The following SLC4A4 variants were observed in gnomAD, a reference collection of about 807,000 sequenced individuals.
The protein encoded by SLC4A4 is solute carrier family 4 member 4, also known as electrogenic sodium bicarbonate cotransporter 1.
SLC4A4 carries 27 observed loss-of-function variants against 111.5 expected under a neutral mutation model. The ratio of observed to expected loss-of-function variants is 0.24; its 90% confidence interval spans 0.18 to 0.33. The LOEUF (loss-of-function observed/expected upper bound fraction) is 0.33, where lower values mean the gene tolerates loss of function less well. Among genes scored for constraint, SLC4A4 ranks in the 10% least tolerant of loss-of-function variants. The pLI, the probability that SLC4A4 is intolerant of heterozygous loss-of-function variation, is 1.00. For missense variants in SLC4A4, 909 were observed against 1,315.5 expected, an observed-to-expected ratio of 0.69 and a Z score of 4.78; for synonymous variants, 443 against 463.4, an observed-to-expected ratio of 0.96 and a Z score of 0.57.
intron 1 of SLC4A4, among the ~76,000 whole-genome samples, chr4:71,088,558 A>G (rs1578467046): frequency 6.6e-6 from 1 of 151,798 alleles, no homozygotes; most frequent in Admixed American, 6.6e-5. Flanking sequence ...GTTCCTTTCC[A>G]TGTTTAGTGC....
intron 2 of SLC4A4, among the ~76,000 whole-genome samples, chr4:71,182,204 A>G (rs1489824075): frequency 6.6e-6 from 1 of 152,224 alleles, no homozygotes; most frequent in Admixed American, 6.5e-5. Context: ...CATGCCCCAT[A>G]TTCTGTGGTA....
intron 2 of SLC4A4, among the ~76,000 whole-genome samples, chr4:71,112,184 T>C (rs1743107034): frequency 6.6e-6 from 1 of 152,230 alleles, no homozygotes. Flanking sequence ...AAACATCTCC[T>C]TTCCACTAAT....
intron 2 of SLC4A4, among the ~76,000 whole-genome samples, chr4:71,105,849 G>T (rs1406855061): frequency 3.6e-5 from 5 of 140,746 alleles, no homozygotes; most frequent in African/African-American, 1.1e-4. Context: ...TACCATTCAG[G>T]ACATAGGCAT....
chr4:71,354,244 A>G (rs181541561), intron 5 of SLC4A4, among the ~76,000 whole-genome samples: 4 of 152,210 alleles, frequency 2.6e-5, no homozygotes, highest in Non-Finnish European at 2.9e-5. Context: ...AATTGGGAAA[A>G]TGTAGCTCTA....
At chr4:71,128,218 C>T (rs1346492926) in intron 2 of SLC4A4, among the ~76,000 whole-genome samples, 1 of 152,198 alleles carries the variant, frequency 6.6e-6, no homozygotes, top group Non-Finnish European at 1.5e-5. Context: ...AAGAGCACAT[C>T]ACATCTTACG....
chr4:71,443,413 G>A (rs1465147151), intron 8 of SLC4A4, among the ~76,000 whole-genome samples: 1 of 151,814 alleles, frequency 6.6e-6, no homozygotes, highest in East Asian at 1.9e-4. Flanking sequence ...GCCTCCCAAA[G>A]TGCTGGGATT....
chr4:71,354,362 T>C (rs1158554585), intron 5 of SLC4A4, among the ~76,000 whole-genome samples: 3 of 152,298 alleles, frequency 2.0e-5, no homozygotes, highest in Middle Eastern at 6.8e-3. Flanking sequence ...ATTTTCAAAA[T>C]GGCAATAACT....
At chr4:71,248,025 C>T (rs547064266) in intron 2 of SLC4A4, among the ~76,000 whole-genome samples, 3 of 151,362 alleles carry the variant, frequency 2.0e-5, no homozygotes, top group South Asian at 4.2e-4. Context: ...TGCTTCTGGA[C>T]AGAGTTAGGG....
chr4:71,280,306 G>A (rs1013329215), intron 3 of SLC4A4, among the ~76,000 whole-genome samples: 16 of 152,168 alleles, frequency 1.1e-4, no homozygotes, highest in African/African-American at 2.9e-4. Flanking sequence ...TCTTAACCCC[G>A]TATTAGATAT....
At chr4:71,199,937 C>T (rs1746173860) in intron 1 of SLC4A4, among the ~76,000 whole-genome samples, 1 of 149,168 alleles carries the variant, frequency 6.7e-6, no homozygotes, top group Non-Finnish European at 1.5e-5. Context: ...AGGCGTGAAC[C>T]ACTGTGTCCA....
chr4:71,279,116 T>C (rs1186494150), intron 3 of SLC4A4, among the ~76,000 whole-genome samples: 1 of 152,202 alleles, frequency 6.6e-6, no homozygotes, highest in Non-Finnish European at 1.5e-5. Context: ...TTTAGGAATT[T>C]TCAAGTATAC....
intron 6 of SLC4A4, among the ~76,000 whole-genome samples, chr4:71,369,493 G>GT (rs1262765385): frequency 6.6e-6 from 1 of 152,126 alleles, no homozygotes; most frequent in Non-Finnish European, 1.5e-5. Flanking sequence ...TTACTTCAGA[G>GT]GACTGGGAGG....
chr4:71,375,516 C>T (rs1410263303), intron 6 of SLC4A4, among the ~76,000 whole-genome samples: 1 of 152,190 alleles, frequency 6.6e-6, no homozygotes. Context: ...CCACATTCTC[C>T]TTGAAGGCTT....
intron 6 of SLC4A4, among the ~76,000 whole-genome samples, chr4:71,387,954 G>A (rs1718910146): frequency 1.3e-5 from 2 of 152,154 alleles, no homozygotes; most frequent in Admixed American, 1.3e-4. Context: ...TTGGAATGAT[G>A]TGGCTGCAGG....
chr4:71,198,264 G>A (rs1746093895), intron 1 of SLC4A4, among the ~76,000 whole-genome samples: 1 of 152,118 alleles, frequency 6.6e-6, no homozygotes, highest in Non-Finnish European at 1.5e-5. Flanking sequence ...TATTACATAT[G>A]CATAATATTT....
chr4:71,450,424 G>T lies in SLC4A4; in HGVS notation c.1089G>T (p.Arg363Ser). ...ACATTGCTTATAAAGCAAAAGACAG[G>T]CACGACCTGATTGCTGGTATTGATG... The part of the protein sequence containing the change: ...FHDIAYKAKD[R>S]HDLIAGIDEF... Residue 363 changes from arginine (R) to serine (S), a missense_variant, in exon 10 of 26, where the codon AGG (arginine) becomes AGT (serine). Transcript: ENST00000264485. 1 of 1,612,604 alleles carries T rather than the reference G, an allele frequency of 6.2e-7. No homozygotes were observed. Among genetic ancestry groups the T allele is most frequent in the Non-Finnish European group, 8.5e-7 (1 of 1,178,694 alleles).
chr4:71,090,912 GA>G (rs1001513034), intron 1 of SLC4A4, among the ~76,000 whole-genome samples: 4 of 152,288 alleles, frequency 2.6e-5, no homozygotes, highest in Admixed American at 2.6e-4. Context: ...AATTCACACA[GA>G]AGGTCGTTCA....
rs193054563 is a variant in SLC4A4 at position 71,121,334 on chromosome 4, C to T, written c.-2+28542C>T. Among the ~76,000 whole-genome samples the T allele has an allele frequency of 6.1e-4, 93 of 152,270 alleles. 2 individuals carry two copies. Among genetic ancestry groups the T allele is most frequent in the African/African-American group, 2.0e-3 (84 of 41,544 alleles). On this transcript the variant is annotated intron_variant, in intron 2 of 26. Coordinates refer to the SLC4A4 transcript ENST00000649996. ...CCAAGGGCTGAGGCGTGCAGGTGCA[C>T]GGCGCTGGACTGAGGAGTGCAGGCA...
At chr4:71,533,594 GT>G (rs150994245) in intron 17 of SLC4A4, among the ~76,000 whole-genome samples, 62 of 150,818 alleles carry the variant, frequency 4.1e-4, no homozygotes, top group Middle Eastern at 3.4e-3. Context: ...GTTTTTTCCA[GT>G]TTTTTTTTGT....
Sources: gnomAD v4.1 joint callset for allele counts (sites outside exome capture counted in the v4.1 genomes callset) on GRCh38, gnomAD v4.1.1 for gene constraint, MANE v1.5 for transcripts, NCBI Gene and HGNC (gene_info 2026-07-23, HGNC 2026-07-21) for gene names.